Variants in ZC4H2 observed in about 807,000 individuals in gnomAD.
ZC4H2 encodes zinc finger C4H2-type containing, also known as zinc finger C4H2 domain-containing protein.
For missense variants in ZC4H2, 137 were observed against 173.9 expected (o/e 0.79, Z 1.19); for synonymous variants, 84 against 66.3 (o/e 1.27, Z -1.30).
chrX:64,971,940 T>A (rs370718447), intron 1 of ZC4H2, among the ~76,000 whole-genome samples: 1 of 111,640 alleles, frequency 9.0e-6, no homozygotes. Context: ...GGATGGCATG[T>A]GCATTTTAAG....
At chrX:64,921,159 C>T (rs1171386615) in intron 2 of ZC4H2, among the ~76,000 whole-genome samples, 3 of 112,136 alleles carry the variant, frequency 2.7e-5, no homozygotes, top group African/African-American at 9.7e-5. Context: ...AACTTAGTTC[C>T]TTTGAAAGTA....
At chrX:64,935,684 G>T (rs961862854) in intron 1 of ZC4H2, among the ~76,000 whole-genome samples, 1 of 111,912 alleles carries the variant, frequency 8.9e-6, no homozygotes, top group African/African-American at 3.3e-5. Context: ...AGGCAAACAG[G>T]GTCTGGAGTG....
intron 1 of ZC4H2, among the ~76,000 whole-genome samples, chrX:64,928,674 T>TCTTCTG (rs1264666727): frequency 1.9e-5 from 2 of 105,194 alleles, no homozygotes; most frequent in African/African-American, 7.0e-5. Flanking sequence ...TTCTTCTTCT[T>TCTTCTG]CTTCTTCTTC....
At chrX:64,999,939 A>C (rs1281191696) in intron 1 of ZC4H2, among the ~76,000 whole-genome samples, 1 of 112,227 alleles carries the variant, frequency 8.9e-6, no homozygotes, top group Non-Finnish European at 1.9e-5. Context: ...CAGCAGCCCC[A>C]GTCAGGGGCT....
intron 1 of ZC4H2, among the ~76,000 whole-genome samples, chrX:64,946,145 C>CCAAAA (rs200874659): frequency 9.0e-6 from 1 of 110,608 alleles, no homozygotes; most frequent in Non-Finnish European, 1.9e-5. Context: ...AAAACCAAAA[C>CCAAAA]CAAAACAAAA....
chrX:64,937,676 A>G (rs1191867933), intron 1 of ZC4H2, among the ~76,000 whole-genome samples: 1 of 111,867 alleles, frequency 8.9e-6, no homozygotes, highest in African/African-American at 3.3e-5. Flanking sequence ...TCTGCTCCTG[A>G]ATGACAACTA....
chrX:64,945,667 G>A (rs937967909), intron 1 of ZC4H2, among the ~76,000 whole-genome samples: 1 of 111,564 alleles, frequency 9.0e-6, no homozygotes, highest in Non-Finnish European at 1.9e-5. Context: ...TAAGTCTGCT[G>A]AAGCTGCCCC....
intron 1 of ZC4H2, among the ~76,000 whole-genome samples, chrX:64,938,353 G>A (rs147801403): frequency 0.02 from 2,254 of 111,681 alleles, 62 homozygotes; most frequent in African/African-American, 0.071. Context: ...TTCTACCAGA[G>A]GTACAAAGAG....
chrX:64,969,409 C>T (rs1316531767), intron 1 of ZC4H2, among the ~76,000 whole-genome samples: 2 of 111,850 alleles, frequency 1.8e-5, no homozygotes, highest in Admixed American at 9.4e-5. Flanking sequence ...CAGGGTAGGA[C>T]AGCTGGGACC....
intron 2 of ZC4H2, among the ~76,000 whole-genome samples, 196 bp downstream of exon 2, chrX:64,921,621 G>C (rs1325280935): frequency 9.0e-6 from 1 of 111,410 alleles, no homozygotes; most frequent in Non-Finnish European, 1.9e-5. Context: ...GAAGGGACTT[G>C]TCCAGTGATA....
intron 1 of ZC4H2, among the ~76,000 whole-genome samples, chrX:64,928,485 T>A (rs1398278196): frequency 8.9e-6 from 1 of 111,758 alleles, no homozygotes; most frequent in Non-Finnish European, 1.9e-5. Flanking sequence ...GGTCTATATA[T>A]CTGTTTTGGT....
chrX:64,958,690 G>A (rs1931262255), intron 1 of ZC4H2, among the ~76,000 whole-genome samples: 1 of 110,682 alleles, frequency 9.0e-6, no homozygotes, highest in African/African-American at 3.3e-5. Flanking sequence ...GATTTCAGGG[G>A]CCCAGGTAAT....
At position 64,976,432 on chromosome X, in the gene ZC4H2, G is replaced by A. The variant is rs1000206742; in HGVS notation, c.-55C>T. On this transcript the variant is annotated 5_prime_UTR_variant, in exon 1 of 5. Coordinates refer to ENST00000374839, the MANE Select transcript of ZC4H2 (RefSeq NM_018684.4). ...AGATGTACAAATACACCAGCCAAGG[G>A]ATACAATAGACACAATGTAGCCACC... is the stretch of plus-strand genomic sequence containing the variant. 2 of 1,148,959 alleles carry A rather than the reference G, an allele frequency of 1.7e-6. No homozygotes were observed. The highest frequency in any genetic ancestry group is 3.6e-5 in the African/African-American group (2 of 55,852). 94.7% of individuals were successfully genotyped at this position (1,148,959 alleles called of 1,213,427 possible).
At chrX:64,974,966 C>T (rs1026064543) in intron 1 of ZC4H2, among the ~76,000 whole-genome samples, 3 of 60,466 alleles carry the variant, frequency 5.0e-5, no homozygotes, top group Non-Finnish European at 8.1e-5. Context: ...GCTTCTGATG[C>T]TTTTGCCAAA....
Position 65,002,416 on chromosome X carries a change from C to T in ZC4H2, c.-272+32213G>A, listed in dbSNP as rs771963625. ...GGGAGGCGGGGGGTCAGCCCCCGCC[C>T]GGCCAGCCGCCCCATCCGGGAGGTG... is the stretch of plus-strand genomic sequence containing the variant. On this transcript the variant is annotated intron_variant, in intron 1 of 4. Coordinates refer to the ZC4H2 transcript ENST00000337990. Among the ~76,000 whole-genome samples, 124 of 108,768 alleles carry T rather than the reference C, an allele frequency of 1.1e-3. 2 individuals are homozygous for T. Among genetic ancestry groups the T allele is most frequent in the Admixed American group, 5.2e-3 (54 of 10,456 alleles). 94.5% of individuals were successfully genotyped at this position (108,768 alleles called of 115,157 possible).
At chrX:64,991,999 G>T (rs1002641181) in intron 1 of ZC4H2, among the ~76,000 whole-genome samples, 1 of 111,386 alleles carries the variant, frequency 9.0e-6, no homozygotes, top group African/African-American at 3.3e-5. Flanking sequence ...GTAAATTAAT[G>T]GTTGCCAGGG....
intron 1 of ZC4H2, among the ~76,000 whole-genome samples, chrX:65,023,881 A>G (rs1429646481): frequency 8.9e-6 from 1 of 112,134 alleles, no homozygotes; most frequent in Admixed American, 9.4e-5. Flanking sequence ...GATAGACTGG[A>G]TAAAGAAAAT....
chrX:64,981,524 C>T (rs980863265), intron 1 of ZC4H2, among the ~76,000 whole-genome samples: 9 of 110,162 alleles, frequency 8.2e-5, no homozygotes, highest in East Asian at 2.9e-4. Context: ...GTACGGAGGG[C>T]GAGATAAGGC....
intron 1 of ZC4H2, among the ~76,000 whole-genome samples, chrX:65,022,877 T>C (rs1057160217): frequency 8.9e-6 from 1 of 112,102 alleles, no homozygotes; most frequent in African/African-American, 3.2e-5. Context: ...CTGCGCAAGG[T>C]AATCTATAGA....
Sources: allele counts gnomAD v4.1 joint callset (sites outside exome capture counted in the v4.1 genomes callset), GRCh38; gene constraint gnomAD v4.1.1; transcripts MANE v1.5; gene names NCBI Gene and HGNC (gene_info 2026-07-23, HGNC 2026-07-21).